Variants in RAB11FIP2 observed in about 807,000 individuals in gnomAD.
RAB11FIP2 encodes rab11 family-interacting protein 2.
In RAB11FIP2, 16 loss-of-function variants were observed where a neutral mutation model predicts 40.9. That is an observed-to-expected ratio of 0.39 (90% CI 0.26 to 0.59). RAB11FIP2 has a LOEUF of 0.59. Among genes scored for constraint, RAB11FIP2 ranks in the 20% least tolerant of loss-of-function variants. The pLI is 0.53. For missense variants in RAB11FIP2, 532 were observed against 606.2 expected (o/e 0.88, Z 1.28); for synonymous variants, 228 against 213.7 (o/e 1.07, Z -0.58).
rs1018501607 is a variant in RAB11FIP2 at position 118,017,815 on chromosome 10, G to A, written c.1266-2705C>T. ...ACTGAACTAAGAAACAGAAATATCGGTATTATACTTATTGCAATAAGGGTT... is the reference window on the plus strand; with the variant it reads ...ACTGAACTAAGAAACAGAAATATCGATATTATACTTATTGCAATAAGGGTT... On this transcript the variant is annotated intron_variant, in intron 3 of 4. Coordinates refer to ENST00000355624, the MANE Select transcript of RAB11FIP2 (RefSeq NM_014904.3). 3.3e-5 allele frequency: 5 copies of A among 152,068 alleles called. No homozygotes were observed. In the South Asian group the frequency reaches 8.3e-4, roughly 25 times the overall value. 9.4% of individuals were successfully genotyped at this position (152,068 alleles called of 1,614,324 possible).
At chr10:118,009,249 C>A (rs1411679495) in intron 4 of RAB11FIP2, 24 bp from the exon 5 acceptor site, 2 of 1,562,238 alleles carry the variant, frequency 1.3e-6, no homozygotes, top group South Asian at 1.1e-5. Context: ...AAGACTGTCA[C>A]TTTCATAGAT....
At position 118,046,424 on chromosome 10, in the gene RAB11FIP2, AC is replaced by A. The variant is rs1846639565; in HGVS notation, c.-262del. 2.3e-6 allele frequency: 1 copy of A among 426,830 alleles called. No homozygotes were observed. 26.4% of individuals were successfully genotyped at this position (426,830 alleles called of 1,614,324 possible). ...CCGCGCCGTGCAGGCCTCTGCGCGGACCCCCGCCCCTGTCTCCACCTTCCCC... is the reference window on the plus strand; with the variant it reads ...CCGCGCCGTGCAGGCCTCTGCGCGGACCCCGCCCCTGTCTCCACCTTCCCC... On this transcript the variant is annotated 5_prime_UTR_variant, in exon 1 of 5. Coordinates refer to ENST00000355624, the MANE Select transcript of RAB11FIP2 (RefSeq NM_014904.3).
chr10:118,005,011 C>G lies in RAB11FIP2; in HGVS notation c.*3987G>C, dbSNP rs1250229276. The G allele has an allele frequency of 1.3e-5, 2 of 152,522 alleles. No individual in the cohort carries two copies. Among genetic ancestry groups the G allele is most frequent in the Non-Finnish European group, 2.9e-5 (2 of 68,010 alleles). 9.4% of individuals were successfully genotyped at this position (152,522 alleles called of 1,614,324 possible). A position where few individuals can be genotyped will look rare whatever the true frequency, so the allele number is the denominator to read the frequency against. On this transcript the variant is annotated 3_prime_UTR_variant, in exon 5 of 5. Coordinates refer to ENST00000355624, the MANE Select transcript of RAB11FIP2 (RefSeq NM_014904.3). Reference sequence around the variant, plus strand: ...CAGATTACATAAATTATACAATTGTCACATTATACAATGCTTACATACTTT... The same window carrying G: ...CAGATTACATAAATTATACAATTGTGACATTATACAATGCTTACATACTTT...
At chr10:118,037,578 G>A (rs1160042593) in intron 3 of RAB11FIP2, among the ~76,000 whole-genome samples, 2 of 151,914 alleles carry the variant, frequency 1.3e-5, no homozygotes, top group African/African-American at 4.8e-5. Flanking sequence ...TTGGGGCCTG[G>A]CTTTGTATTA....
At chr10:118,032,276 T>C (rs1005694235) in intron 3 of RAB11FIP2, among the ~76,000 whole-genome samples, 1 of 152,094 alleles carries the variant, frequency 6.6e-6, no homozygotes, top group Non-Finnish European at 1.5e-5. Flanking sequence ...TTCATCACTA[T>C]TGACTCTCAG....
rs1283827111 is a variant in RAB11FIP2 at position 118,040,403 on chromosome 10, C to T, written c.516G>A (p.Lys172=). 4 of 1,613,830 alleles carry T rather than the reference C, an allele frequency of 2.5e-6. No homozygotes were observed. The highest frequency in any genetic ancestry group is 1.7e-5 in the Admixed American group (1 of 59,992). ...SPFAKLKDKM[K]GRKNDGTFSD... ...AAAATGTTCCATCATTTTTTCTACC[C>T]TTCATCTTATCTTTTAACTTTGCAA... Residue 172 remains lysine (K), a synonymous_variant, in exon 2 of 5, where the codon AAG becomes AAA. Coordinates refer to ENST00000355624, the MANE Select transcript of RAB11FIP2 (RefSeq NM_014904.3).
At chr10:118,044,785 G>A in intron 1 of RAB11FIP2, among the ~76,000 whole-genome samples, 1 of 151,808 alleles carries the variant, frequency 6.6e-6, no homozygotes, top group Non-Finnish European at 1.5e-5. Flanking sequence ...AAATATCATT[G>A]TAAGAAAGTT....
chr10:118,020,551 G>A (rs1846271780), intron 3 of RAB11FIP2, among the ~76,000 whole-genome samples: 1 of 152,168 alleles, frequency 6.6e-6, no homozygotes, highest in African/African-American at 2.4e-5. Context: ...AGAGGATGGA[G>A]CACTGAAAGC....
At chr10:118,027,349 T>C (rs1846355854) in intron 3 of RAB11FIP2, among the ~76,000 whole-genome samples, 1 of 152,214 alleles carries the variant, frequency 6.6e-6, no homozygotes, top group Non-Finnish European at 1.5e-5. Context: ...ATTTCAATGT[T>C]TTCATGTTAT....
Position 118,046,108 on chromosome 10 carries a change from A to C in RAB11FIP2, c.56T>G (p.Val19Gly). ...TGGCTTCAGATCTTTGGCTTGGAGC[A>C]CTGTGACCTGCACGTGGGTTGGAAA... ...KWFPTHVQVT[V>G]LQAKDLKPKG... is the part of the protein sequence containing the mutation. The change falls in exon 1 of 5, where the codon GTG becomes GGG. Residue 19 changes from valine (V) to glycine (G), a missense_variant. Coordinates refer to ENST00000355624, the MANE Select transcript of RAB11FIP2 (RefSeq NM_014904.3). 1 of 1,614,168 alleles carries C rather than the reference A, an allele frequency of 6.2e-7. No homozygotes were observed.
chr10:118,031,747 T>C (rs987571070), intron 3 of RAB11FIP2, among the ~76,000 whole-genome samples: 31 of 152,228 alleles, frequency 2.0e-4, no homozygotes, highest in Non-Finnish European at 8.8e-5. Flanking sequence ...AAAATGGAAA[T>C]ACATGCTTTG....
rs1846088162 is a variant in RAB11FIP2 at position 118,006,139 on chromosome 10, C to G, written c.*2859G>C. 6.6e-6 allele frequency: 1 copy of G among 152,478 alleles called. No individual in the cohort carries two copies. Among genetic ancestry groups the G allele is most frequent in the Non-Finnish European group, 1.5e-5 (1 of 68,014 alleles). 9.4% of individuals were successfully genotyped at this position (152,478 alleles called of 1,614,324 possible). A position where few individuals can be genotyped will look rare whatever the true frequency, so the allele number is the denominator to read the frequency against. On this transcript the variant is annotated 3_prime_UTR_variant, in exon 5 of 5. Coordinates refer to ENST00000355624, the MANE Select transcript of RAB11FIP2 (RefSeq NM_014904.3). ...TTTTATATACAATTCTAAGATATGA[C>G]CCTGGTATTCAATAAATGAAACTTG...
intron 3 of RAB11FIP2, among the ~76,000 whole-genome samples, chr10:118,022,587 G>A (rs1846294121): frequency 6.6e-6 from 1 of 152,090 alleles, no homozygotes; most frequent in African/African-American, 2.4e-5. Flanking sequence ...CTATTTCGTA[G>A]AATTAAAAGA....
chr10:118,011,503 C>T (rs949585038), intron 4 of RAB11FIP2, among the ~76,000 whole-genome samples: 6 of 151,944 alleles, frequency 3.9e-5, no homozygotes, highest in African/African-American at 1.5e-4. Context: ...TATGTTAAGC[C>T]GTTTTCTACA....
intron 3 of RAB11FIP2, among the ~76,000 whole-genome samples, chr10:118,035,575 G>A (rs532434489): frequency 1.3e-5 from 2 of 152,082 alleles, no homozygotes; most frequent in East Asian, 1.9e-4. Context: ...TACACTGTGT[G>A]CATTAAGAAA....
chr10:118,040,831 T>C (rs1325431170), intron 1 of RAB11FIP2, among the ~76,000 whole-genome samples: 2 of 152,160 alleles, frequency 1.3e-5, no homozygotes, highest in Non-Finnish European at 2.9e-5. Context: ...TCTTTTCTTT[T>C]GTAATTTGAA....
At chr10:118,022,583 C>T (rs1029523386) in intron 3 of RAB11FIP2, among the ~76,000 whole-genome samples, 2 of 152,082 alleles carry the variant, frequency 1.3e-5, no homozygotes, top group Non-Finnish European at 1.5e-5. Context: ...CCATCTATTT[C>T]GTAGAATTAA....
chr10:118,016,749 G>C (rs1382284490), intron 3 of RAB11FIP2, among the ~76,000 whole-genome samples: 1 of 152,146 alleles, frequency 6.6e-6, no homozygotes, highest in Non-Finnish European at 1.5e-5. Context: ...GAGCCAGGTG[G>C]TGTGAATTCA....
At position 118,045,631 on chromosome 10, in the gene RAB11FIP2, A is replaced by T. The variant is rs1268611394; in HGVS notation, c.353+180T>A. On this transcript the variant is annotated intron_variant, in intron 1 of 4. Transcript: ENST00000355624. Reference sequence around the variant, plus strand: ...TAAGGGATCATTAATGATTCCATTTAAAAAATATTTCATCACGAGTGCTAC... The same window carrying T: ...TAAGGGATCATTAATGATTCCATTTTAAAAATATTTCATCACGAGTGCTAC... 17 of 562,226 alleles carry T rather than the reference A, an allele frequency of 3.0e-5. No individual in the cohort carries two copies. The Admixed American group carries it at 3.1e-4, about 10-fold the overall frequency. The allele number at this position is 562,226 out of a possible 1,614,324, so 34.8% of individuals were successfully genotyped here.
Sources: gnomAD v4.1 joint callset for allele counts (sites outside exome capture counted in the v4.1 genomes callset) on GRCh38, gnomAD v4.1.1 for gene constraint, MANE v1.5 for transcripts, NCBI Gene and HGNC (gene_info 2026-07-23, HGNC 2026-07-21) for gene names.